ZNF462: variants seen among roughly 807,000 people sequenced by gnomAD.
ZNF462 encodes the protein zinc finger protein 462.
Under a neutral mutation model 201.9 loss-of-function variants are expected in ZNF462, and 10 were observed. That is an observed-to-expected ratio of 0.05 (90% confidence interval 0.03 to 0.08). ZNF462 has a LOEUF of 0.08. ZNF462 is among the 10% of genes least tolerant of loss of function. The probability of loss-of-function intolerance (pLI) is 1.00; values close to 1 mark genes in which losing one functional copy is unlikely to be tolerated. For synonymous variants in ZNF462, 1,227 were observed against 1,193.3 expected, an observed-to-expected ratio of 1.03 and a Z score of -0.58; for missense variants, 2,523 against 3,168.3, an observed-to-expected ratio of 0.80 and a Z score of 4.89.
At chr9:106,941,452 A>T (rs904474629) in intron 7 of ZNF462, among the ~76,000 whole-genome samples, 1 of 152,180 alleles carries the variant, frequency 6.6e-6, no homozygotes, top group African/African-American at 2.4e-5. Flanking sequence ...AGCTCTCTCT[A>T]TAACATAGAT....
intron 1 of ZNF462, among the ~76,000 whole-genome samples, chr9:106,877,039 T>C (rs1215219573): frequency 6.6e-6 from 1 of 152,092 alleles, no homozygotes; most frequent in Admixed American, 6.6e-5. Context: ...ACCTCACGGG[T>C]AAGGAGACTA....
rs1465863128 is a variant in ZNF462, at chr9:106,925,478, C to T, written c.1566C>T (p.Ser522=). 2 of 1,614,034 alleles carry T rather than the reference C, an allele frequency of 1.2e-6. No individual in the cohort carries two copies. The highest frequency in any genetic ancestry group is 2.2e-5 in the East Asian group (1 of 44,886). Residue 522 remains serine (S), a synonymous_variant, in exon 3 of 13, where the codon AGC becomes AGT. Transcript: ENST00000277225. This position sits in a 1 kb window ranked among gnomAD's most constrained non-coding sequence, Gnocchi z 7.9. Reference sequence around the variant, plus strand: ...ATGAAGGTGTGGTGTCTTATGAGAGCTCAAGCATCAATGGTAGAAAGTCAG... The same window carrying T: ...ATGAAGGTGTGGTGTCTTATGAGAGTTCAAGCATCAATGGTAGAAAGTCAG... ...SLNEGVVSYE[S]SSINGRKSGV...
chr9:106,939,495 G>C (rs936913020), intron 7 of ZNF462, among the ~76,000 whole-genome samples: 1 of 152,162 alleles, frequency 6.6e-6, no homozygotes, highest in African/African-American at 2.4e-5. Flanking sequence ...AAATGTTTGG[G>C]GAGACAGGTA....
At position 106,962,411 on chromosome 9, in the gene ZNF462, A is replaced by G. The variant is rs951900764; in HGVS notation, c.6428-9594A>G. On this transcript the variant is annotated intron_variant, in intron 7 of 12. Coordinates refer to ENST00000277225, the MANE Select transcript of ZNF462 (RefSeq NM_021224.6). This position sits in a 1 kb window ranked among gnomAD's most constrained non-coding sequence, Gnocchi z 4.6. ...AGAAAGACAAATGAATATGTTCCCA[A>G]GTATACGATCTAGTGAATTGAAAAG... is the stretch of plus-strand genomic sequence containing the variant. Among the ~76,000 whole-genome samples, 4 of 152,112 alleles carry G rather than the reference A, an allele frequency of 2.6e-5. No homozygotes were observed. The highest frequency in any genetic ancestry group is 4.8e-5 in the African/African-American group (2 of 41,444).
Position 106,917,745 on chromosome 9 carries a change from G to A in ZNF462, c.-30-5609G>A, listed in dbSNP as rs1829831646. 6.6e-6 allele frequency among the ~76,000 whole-genome samples: 1 copy of A among 152,124 alleles called. No homozygotes were observed. Among genetic ancestry groups the A allele is most frequent in the South Asian group, 2.1e-4 (1 of 4,826 alleles). ...TGATAGGTCATTTGAAGACTACATG[G>A]TGAGCCAGAATCTGTAGTAGTACCA... On this transcript the variant is annotated intron_variant, in intron 1 of 12. Transcript: ENST00000277225. The surrounding 1 kb of genome is among the most constrained non-coding windows in gnomAD (Gnocchi z 4.5).
At chr9:106,909,154 G>T (rs1829437072) in intron 1 of ZNF462, among the ~76,000 whole-genome samples, 1 of 150,080 alleles carries the variant, frequency 6.7e-6, no homozygotes, top group African/African-American at 2.4e-5. Context: ...AGTAGAGATG[G>T]GTTTCACCAT....
rs147889817 is a variant in ZNF462, at chr9:107,008,554, G to A, written c.7190-991G>A. Among the ~76,000 whole-genome samples the A allele has an allele frequency of 1.4e-3, 219 of 152,216 alleles. No individual in the cohort carries two copies. Among genetic ancestry groups the A allele is most frequent in the African/African-American group, 5.1e-3 (211 of 41,530 alleles). On this transcript the variant is annotated intron_variant, in intron 11 of 12. Coordinates refer to ENST00000277225, the MANE Select transcript of ZNF462 (RefSeq NM_021224.6). This position sits in a 1 kb window ranked among gnomAD's most constrained non-coding sequence, Gnocchi z 4.8. ...GTGCGATGCCCTCACTTTGCAACAC[G>A]GCTGCAGAACTGGCAAGGTCCTGCT...
At chr9:106,975,385 A>G (rs1445956101) in intron 9 of ZNF462, 3 of 152,286 alleles carry the variant, frequency 2.0e-5, no homozygotes, top group Admixed American at 2.0e-4. Flanking sequence ...AACACACCTC[A>G]CATTGCCCCT....
In ZNF462 at chr9:106,924,507, C is replaced by T; in HGVS notation, c.595C>T (p.Pro199Ser). The T allele has an allele frequency of 6.2e-7, 1 of 1,614,164 alleles. No homozygotes were observed. ...GGAGACCACTGCTCCCCCACCTGCT[C>T]CTGCTCCAATGCCAGACCCTGTGGT... ...LKETTAPPPAPAPMPDPVVPP... is the reference protein window; with the variant it reads ...LKETTAPPPASAPMPDPVVPP... Residue 199 changes from proline (P) to serine (S), a missense_variant, in exon 3 of 13, where the codon CCT (proline) becomes TCT (serine). Transcript: ENST00000277225. The surrounding 1 kb of genome is among the most constrained non-coding windows in gnomAD (Gnocchi z 6.2).
Position 106,927,988 on chromosome 9 carries a change from C to T in ZNF462, c.4076C>T (p.Ser1359Phe), listed in dbSNP as rs1830269668. 1.9e-6 allele frequency: 3 copies of T among 1,614,090 alleles called. No homozygotes were observed. The highest frequency in any genetic ancestry group is 2.2e-5 in the East Asian group (1 of 44,894). ...LWAGPDPSPP[S>F]LTMPAEAKTY... Reference sequence around the variant, plus strand: ...GCTGGGCCAGACCCATCCCCTCCCTCTCTCACAATGCCAGCCGAAGCCAAA... The same window carrying T: ...GCTGGGCCAGACCCATCCCCTCCCTTTCTCACAATGCCAGCCGAAGCCAAA... Residue 1359 changes from serine (S) to phenylalanine (F), a missense_variant, in exon 3 of 13, where the codon TCT (serine) becomes TTT (phenylalanine). Physicochemically the swap from Ser to Phe is radical, Grantham distance 155. Around this residue, in one of 15 missense-constraint regions of ZNF462, gnomAD observed 165 missense variants for 142.6 expected, o/e 1.16. Transcript: ENST00000277225.
intron 1 of ZNF462, among the ~76,000 whole-genome samples, chr9:106,864,757 C>T (rs1265157191): frequency 6.6e-6 from 1 of 152,056 alleles, no homozygotes; most frequent in East Asian, 1.9e-4. Context: ...GGGGCTTTCT[C>T]CCAGGGCTCC....
chr9:106,997,223 A>T (rs1040252370), intron 10 of ZNF462, among the ~76,000 whole-genome samples: 2 of 152,162 alleles, frequency 1.3e-5, no homozygotes, highest in African/African-American at 4.8e-5. Context: ...TGCACTGTTG[A>T]TAGGAATGTA....
rs577801991 is a variant in ZNF462 at position 106,933,399 on chromosome 9, G to A, written c.6116+850G>A. Among the ~76,000 whole-genome samples the A allele has an allele frequency of 1.1e-4, 17 of 152,232 alleles. No individual in the cohort carries two copies. The highest frequency in any genetic ancestry group is 1.0e-3 in the Admixed American group (16 of 15,290). The stretch of plus-strand genomic sequence containing the variant: ...TGTAAACACTTTATTATTATACAGA[G>A]CCTAATATCTAATCTTTGTCATCAG... On this transcript the variant is annotated intron_variant, in intron 5 of 12. Coordinates refer to ENST00000277225, the MANE Select transcript of ZNF462 (RefSeq NM_021224.6). This position sits in a 1 kb window ranked among gnomAD's most constrained non-coding sequence, Gnocchi z 4.3.
Position 106,939,871 on chromosome 9 carries a change from C to A in ZNF462, c.6427+764C>A, listed in dbSNP as rs1370451834. ...ATCTCACCTCAAATGATTGCAGAAT[C>A]AGCTGCTTAGAAGAGAAGGAGAGGA... is the stretch of plus-strand genomic sequence containing the variant. On this transcript the variant is annotated intron_variant, in intron 7 of 12. Coordinates refer to ENST00000277225, the MANE Select transcript of ZNF462 (RefSeq NM_021224.6). 3.3e-5 allele frequency among the ~76,000 whole-genome samples: 5 copies of A among 152,310 alleles called. No individual in the cohort carries two copies. The South Asian group carries it at 8.3e-4, about 25-fold the overall frequency.
chr9:106,926,186 A>G lies in ZNF462; in HGVS notation c.2274A>G (p.Gln758=), dbSNP rs1306514379. 11 of 1,614,084 alleles carry G rather than the reference A, an allele frequency of 6.8e-6. No homozygotes were observed. Among genetic ancestry groups the G allele is most frequent in the African/African-American group, 2.7e-5 (2 of 74,934 alleles). ...IIEVPTSFSA[Q]QIWVRDTSEP... ...AGGTTCCCACTTCCTTTTCTGCCCA[A>G]CAGATATGGGTAAGAGATACCAGTG... Residue 758 remains glutamine, a synonymous_variant, in exon 3 of 13, where the codon CAA becomes CAG. Transcript: ENST00000277225. The surrounding 1 kb of genome is among the most constrained non-coding windows in gnomAD (Gnocchi z 7.9).
Position 106,932,707 on chromosome 9 carries a change from T to C in ZNF462, c.6116+158T>C, listed in dbSNP as rs1830473795. On this transcript the variant is annotated intron_variant, in intron 5 of 12. Coordinates refer to ENST00000277225, the MANE Select transcript of ZNF462 (RefSeq NM_021224.6). The surrounding 1 kb of genome is among the most constrained non-coding windows in gnomAD (Gnocchi z 6.8). The stretch of plus-strand genomic sequence containing the variant: ...AGCCTCAGTCACCTTTTCTGTAAAA[T>C]GGGGCTGAGAACAGGAGATTGATCG... The C allele has an allele frequency of 1.1e-6, 1 of 901,602 alleles. No individual in the cohort carries two copies. The highest frequency in any genetic ancestry group is 2.5e-5 in the Admixed American group (1 of 39,234). The allele number at this position is 901,602 out of a possible 1,614,324, so 55.9% of individuals were successfully genotyped here.
In ZNF462 at chr9:106,953,400, A is replaced by G. The variant is rs545062487; in HGVS notation, c.6427+14293A>G. On this transcript the variant is annotated intron_variant, in intron 7 of 12. Coordinates refer to ENST00000277225, the MANE Select transcript of ZNF462 (RefSeq NM_021224.6). ...TAATGAAATAGCTTTCACAAGGATC[A>G]TCAGTGACTTCAGACAAACAAGGTC... Among the ~76,000 whole-genome samples the G allele has an allele frequency of 2.0e-5, 3 of 152,284 alleles. No individual in the cohort carries two copies. In the South Asian group the frequency reaches 6.2e-4, roughly 32 times the overall value.
chr9:106,878,161 G>A (rs1827920690), intron 1 of ZNF462, among the ~76,000 whole-genome samples: 1 of 152,156 alleles, frequency 6.6e-6, no homozygotes, highest in Non-Finnish European at 1.5e-5. Context: ...TCCTAGCTTT[G>A]TGAACCTGGG....
rs1828754952 is a variant in ZNF462, at chr9:106,895,106, C to T, written c.-30-28248C>T. Among the ~76,000 whole-genome samples, 1 of 152,124 alleles carries T rather than the reference C, an allele frequency of 6.6e-6. No homozygotes were observed. The highest frequency in any genetic ancestry group is 1.5e-5 in the Non-Finnish European group (1 of 68,030). On this transcript the variant is annotated intron_variant, in intron 1 of 12. Coordinates refer to ENST00000277225, the MANE Select transcript of ZNF462 (RefSeq NM_021224.6). The surrounding 1 kb of genome is among the most constrained non-coding windows in gnomAD (Gnocchi z 4.4). The stretch of plus-strand genomic sequence containing the variant: ...CTGAGTACCCTTTGTTTAAACTATT[C>T]CAACCTAAGGTCTGTTGCTTCTTGG...
Sources: allele counts gnomAD v4.1 joint callset (sites outside exome capture counted in the v4.1 genomes callset), GRCh38; gene constraint gnomAD v4.1.1; regional missense constraint gnomAD v4.1.1; non-coding constraint Gnocchi (gnomAD v3.1); transcripts MANE v1.5; gene names NCBI Gene and HGNC (gene_info 2026-07-23, HGNC 2026-07-21).